The following KIF13B variants were observed in gnomAD, a reference collection of about 807,000 sequenced individuals.
KIF13B encodes the protein kinesin-like protein KIF13B.
A neutral mutation model predicts 222.0 loss-of-function variants in KIF13B; 127 were observed. That is an observed-to-expected ratio of 0.57 (90% CI 0.50 to 0.66). The LOEUF (loss-of-function observed/expected upper bound fraction) is 0.66. Ranked by LOEUF, KIF13B falls within the 30% of genes least tolerant of loss-of-function variation. The pLI, the probability that KIF13B is intolerant of heterozygous loss-of-function variation, is 0.00. For missense variants in KIF13B, 2,173 were observed against 2,379.0 expected, an observed-to-expected ratio of 0.91 and a Z score of 1.80; for synonymous variants, 976 against 919.0, an observed-to-expected ratio of 1.06 and a Z score of -1.12.
chr8:29,079,686 T>G (rs1283373507), intron 37 of KIF13B, among the ~76,000 whole-genome samples: 2 of 152,184 alleles, frequency 1.3e-5, no homozygotes, highest in African/African-American at 4.8e-5. Context: ...ACATTGAATT[T>G]TCTGATGCAT....
intron 6 of KIF13B, among the ~76,000 whole-genome samples, chr8:29,186,065 G>C (rs1322483266): frequency 1.3e-5 from 2 of 152,060 alleles, no homozygotes; most frequent in Non-Finnish European, 2.9e-5. Flanking sequence ...AGCCCACAAA[G>C]AGCTGAATTC....
intron 32 of KIF13B, among the ~76,000 whole-genome samples, chr8:29,111,655 T>C (rs571542881): frequency 2.0e-5 from 3 of 152,166 alleles, no homozygotes; most frequent in Non-Finnish European, 4.4e-5. Flanking sequence ...AAAAGCACTT[T>C]TTTTAAAAGG....
intron 3 of KIF13B, among the ~76,000 whole-genome samples, chr8:29,194,114 G>A (rs942592765): frequency 1.3e-5 from 2 of 151,408 alleles, no homozygotes; most frequent in African/African-American, 4.9e-5. Context: ...ATGAGCCACC[G>A]CGCCCGGCCC....
chr8:29,190,917 C>G (rs763620590), intron 4 of KIF13B, 80 bp downstream of exon 4: 1 of 1,107,790 alleles, frequency 9.0e-7, no homozygotes, highest in Non-Finnish European at 1.4e-6. Context: ...GGGGGGTTTG[C>G]CAAGCAATCG....
intron 1 of KIF13B, among the ~76,000 whole-genome samples, chr8:29,258,203 G>A (rs1816557154): frequency 6.6e-6 from 1 of 152,154 alleles, no homozygotes; most frequent in South Asian, 2.1e-4. Flanking sequence ...TATCTTCACT[G>A]ACTACCAGCA....
intron 2 of KIF13B, among the ~76,000 whole-genome samples, chr8:29,221,862 T>C (rs1335482474): frequency 6.6e-6 from 1 of 152,232 alleles, no homozygotes; most frequent in Admixed American, 6.5e-5. Context: ...TATTTGGGTA[T>C]TTCATAATAT....
intron 1 of KIF13B, among the ~76,000 whole-genome samples, chr8:29,257,585 T>G (rs1362438868): frequency 1.3e-5 from 2 of 152,214 alleles, no homozygotes; most frequent in Admixed American, 1.3e-4. Flanking sequence ...ATTATAAATG[T>G]ATATTTCTTG....
intron 13 of KIF13B, among the ~76,000 whole-genome samples, chr8:29,158,549 A>G (rs894624058): frequency 2.6e-5 from 4 of 152,232 alleles, no homozygotes; most frequent in Non-Finnish European, 5.9e-5. Flanking sequence ...TCACTTACAC[A>G]TGGAGTGGCT....
At chr8:29,094,898 T>C (rs1010657646) in intron 36 of KIF13B, among the ~76,000 whole-genome samples, 35 of 140,656 alleles carry the variant, frequency 2.5e-4, no homozygotes, top group Non-Finnish European at 1.1e-4. Context: ...AATGAAAAAA[T>C]TCCCTGGATG....
intron 1 of KIF13B, among the ~76,000 whole-genome samples, chr8:29,254,271 T>C (rs1816389387): frequency 6.6e-6 from 1 of 152,210 alleles, no homozygotes; most frequent in Non-Finnish European, 1.5e-5. Context: ...TGATGTTAGA[T>C]AATGGTTTCT....
chr8:29,154,082 G>C (rs1035353008), intron 14 of KIF13B, among the ~76,000 whole-genome samples: 1 of 152,196 alleles, frequency 6.6e-6, no homozygotes, highest in Non-Finnish European at 1.5e-5. Flanking sequence ...AGGTCAAGGA[G>C]GGAGGATCAT....
At chr8:29,216,779 C>T (rs952856839) in intron 2 of KIF13B, among the ~76,000 whole-genome samples, 1 of 152,000 alleles carries the variant, frequency 6.6e-6, no homozygotes, top group Non-Finnish European at 1.5e-5. Context: ...TTTCCCTTGC[C>T]TTCAAATAAA....
At chr8:29,225,946 G>C (rs1815000788) in intron 2 of KIF13B, among the ~76,000 whole-genome samples, 1 of 152,240 alleles carries the variant, frequency 6.6e-6, no homozygotes, top group Non-Finnish European at 1.5e-5. Context: ...GGTGAAGTGA[G>C]AGGGAACGTT....
At position 29,187,255 on chromosome 8, in the gene KIF13B, C is replaced by T. The variant is rs190739669; in HGVS notation, c.317-783G>A. 2.9e-3 allele frequency among the ~76,000 whole-genome samples: 448 copies of T among 152,204 alleles called. 2 individuals are homozygous for T. Among genetic ancestry groups the T allele is most frequent in the African/African-American group, 0.01 (427 of 41,538 alleles). On this transcript the variant is annotated intron_variant, in intron 5 of 39. Transcript: ENST00000524189. ...ATAAAATTATTTTCTCGGCTGAATG[C>T]GGTGGCTCACGCCTGTAATCTCAGC...
chr8:29,192,018 T>G (rs17059764), intron 3 of KIF13B, among the ~76,000 whole-genome samples: 20,067 of 151,902 alleles, frequency 0.13, 1,470 homozygotes, highest in South Asian at 0.15. Context: ...TAGCAGGGAG[T>G]GTTTATTTTA....
chr8:29,137,292 G>A (rs1332041929), intron 21 of KIF13B, among the ~76,000 whole-genome samples: 2 of 152,188 alleles, frequency 1.3e-5, no homozygotes, highest in Non-Finnish European at 2.9e-5. Context: ...AATGAAGACT[G>A]TCAGCCATAA....
At chr8:29,175,935 AAG>A in intron 10 of KIF13B, 131 bp downstream of exon 10, 1 of 659,520 alleles carries the variant, frequency 1.5e-6, no homozygotes, top group Non-Finnish European at 2.7e-6. Flanking sequence ...TCATTACCAT[AAG>A]AGCCTAATAA....
At chr8:29,196,223 T>A in intron 2 of KIF13B, 24 bp from the exon 3 acceptor site, 1 of 1,526,480 alleles carries the variant, frequency 6.6e-7, no homozygotes, top group South Asian at 1.3e-5. Flanking sequence ...ACAGATGTCA[T>A]CATTGACGTG....
rs1586800885 is a variant in KIF13B at position 29,117,013 on chromosome 8, G to A, written c.3661-6C>T. On this transcript the variant is annotated splice_polypyrimidine_tract_variant and splice_region_variant and intron_variant, in intron 30 of 39. Transcript: ENST00000524189. ...CAGGAGGCTTCTGCTTTCACCTGGA[G>A]AGAAGACAGAGAGGAAACAGGTTTC... 1.1e-5 allele frequency: 17 copies of A among 1,548,752 alleles called. No individual in the cohort carries two copies. In the East Asian group the frequency reaches 3.0e-4, roughly 28 times the overall value.
Sources: allele counts gnomAD v4.1 joint callset (sites outside exome capture counted in the v4.1 genomes callset), GRCh38; gene constraint gnomAD v4.1.1; transcripts MANE v1.5; gene names NCBI Gene and HGNC (gene_info 2026-07-23, HGNC 2026-07-21).